Variants in RERE observed in about 807,000 individuals in gnomAD.
RERE encodes arginine-glutamic acid dipeptide repeats protein.
RERE carries 40 observed loss-of-function variants against 146.1 expected under a neutral mutation model. That is an observed-to-expected ratio of 0.27 (90% confidence interval 0.21 to 0.36). The LOEUF (loss-of-function observed/expected upper bound fraction) is 0.36. RERE is among the 10% of genes least tolerant of loss of function. RERE has a pLI of 1.00. For missense variants in RERE, 1,933 were observed against 2,138.7 expected (o/e 0.90, Z 1.90); for synonymous variants, 1,003 against 866.0 (o/e 1.16, Z -2.78).
chr1:8,774,108 C>G lies in RERE; in HGVS notation c.-145+43052G>C, dbSNP rs117752639. On this transcript the variant is annotated intron_variant, in intron 1 of 22. Transcript: ENST00000400908. ...TGTCCTCTCTCCACGAATCCACACA[C>G]GCAGCCAAACTTGCTCTACCTCTAA... Among the ~76,000 whole-genome samples the G allele has an allele frequency of 3.7e-4, 57 of 152,264 alleles. No homozygotes were observed. In the East Asian group the frequency reaches 9.7e-3, roughly 26 times the overall value.
At chr1:8,485,486 T>C (rs1006765317) in intron 10 of RERE, among the ~76,000 whole-genome samples, 1 of 151,454 alleles carries the variant, frequency 6.6e-6, no homozygotes, top group African/African-American at 2.4e-5. Context: ...ATGAAACAAC[T>C]AAAGAATACA....
chr1:8,655,606 C>G (rs1638260175), intron 2 of RERE, among the ~76,000 whole-genome samples: 1 of 152,188 alleles, frequency 6.6e-6, no homozygotes, highest in African/African-American at 2.4e-5. Flanking sequence ...TTGTCTCCAC[C>G]AAGCAGTCAA....
intron 4 of RERE, among the ~76,000 whole-genome samples, chr1:8,594,876 G>A (rs537823360): frequency 6.6e-6 from 1 of 152,230 alleles, no homozygotes; most frequent in Admixed American, 6.5e-5. Context: ...AAGCTGCGGG[G>A]GCCAGGCACA....
intron 1 of RERE, among the ~76,000 whole-genome samples, chr1:8,814,701 A>G (rs1207376044): frequency 6.6e-6 from 1 of 152,154 alleles, no homozygotes; most frequent in Non-Finnish European, 1.5e-5. Context: ...TTTTTTATTA[A>G]TGATACTAAA....
At chr1:8,526,293 CT>C (rs34947776) in intron 7 of RERE, among the ~76,000 whole-genome samples, 110,108 of 141,844 alleles carry the variant, frequency 0.78, 42,734 homozygotes, top group East Asian at 0.92. Context: ...CAAGTTTTGT[CT>C]TTTTTTTTTT....
At chr1:8,359,696 C>T in intron 19 of RERE, 68 bp downstream of exon 19, 3 of 1,534,732 alleles carry the variant, frequency 2.0e-6, no homozygotes, top group Admixed American at 1.7e-5. Context: ...AGCTCGGTGG[C>T]CCAGCGTGGC....
intron 4 of RERE, among the ~76,000 whole-genome samples, chr1:8,562,446 G>C (rs1646089778): frequency 6.6e-6 from 1 of 151,674 alleles, no homozygotes; most frequent in Non-Finnish European, 1.5e-5. Flanking sequence ...ATAGTAAGAG[G>C]AGACCACTGG....
chr1:8,802,428 G>A (rs1641606743), intron 1 of RERE, among the ~76,000 whole-genome samples: 1 of 152,196 alleles, frequency 6.6e-6, no homozygotes, highest in Non-Finnish European at 1.5e-5. Context: ...CATCATAGAA[G>A]CAGCAAAAGT....
intron 1 of RERE, among the ~76,000 whole-genome samples, chr1:8,692,348 T>TC (rs1479605593): frequency 2.7e-5 from 4 of 150,052 alleles, no homozygotes; most frequent in African/African-American, 1.0e-4. Context: ...CATATACTTT[T>TC]TTTTTTTCTT....
chr1:8,501,198 G>A (rs1313460705), intron 8 of RERE, among the ~76,000 whole-genome samples: 2 of 149,950 alleles, frequency 1.3e-5, no homozygotes, highest in African/African-American at 2.5e-5. Context: ...CCCCGTCCGG[G>A]AGGGAGGTGG....
intron 1 of RERE, among the ~76,000 whole-genome samples, chr1:8,658,457 G>A (rs1335746042): frequency 6.6e-6 from 1 of 152,152 alleles, no homozygotes; most frequent in Non-Finnish European, 1.5e-5. Flanking sequence ...TTCAGATGCA[G>A]AGAAAATTCT....
intron 4 of RERE, among the ~76,000 whole-genome samples, chr1:8,606,973 G>A (rs1172217484): frequency 6.6e-6 from 1 of 152,174 alleles, no homozygotes; most frequent in African/African-American, 2.4e-5. Context: ...AACTTTAAGT[G>A]TATTACTTCA....
At chr1:8,443,377 A>C (rs1385477293) in intron 11 of RERE, among the ~76,000 whole-genome samples, 1 of 146,482 alleles carries the variant, frequency 6.8e-6, no homozygotes, top group Non-Finnish European at 1.5e-5. Flanking sequence ...CAGGAGGATC[A>C]CCTGAACCCA....
intron 1 of RERE, among the ~76,000 whole-genome samples, chr1:8,811,911 C>A (rs1428978957): frequency 6.6e-6 from 1 of 152,194 alleles, no homozygotes; most frequent in Non-Finnish European, 1.5e-5. Context: ...TAAGGCGCCA[C>A]AAACTCCTCC....
At chr1:8,712,346 G>C (rs1407379660) in intron 1 of RERE, among the ~76,000 whole-genome samples, 1 of 152,206 alleles carries the variant, frequency 6.6e-6, no homozygotes, top group Non-Finnish European at 1.5e-5. Context: ...TACAAAGGAA[G>C]GCATGGGCTA....
chr1:8,436,996 C>A (rs4908759), intron 11 of RERE, among the ~76,000 whole-genome samples: 1 of 152,144 alleles, frequency 6.6e-6, no homozygotes, highest in African/African-American at 2.4e-5. Flanking sequence ...TCCAAGTTTT[C>A]TATTAGGGAG....
chr1:8,395,784 T>C (rs962952507), intron 12 of RERE, among the ~76,000 whole-genome samples: 3 of 152,118 alleles, frequency 2.0e-5, no homozygotes, highest in Non-Finnish European at 4.4e-5. Context: ...ACCACCACCA[T>C]GCACTGAAGG....
intron 1 of RERE, among the ~76,000 whole-genome samples, chr1:8,686,795 A>T (rs939528552): frequency 5.3e-5 from 8 of 152,226 alleles, no homozygotes; most frequent in Non-Finnish European, 1.2e-4. Context: ...CAAGTACTCT[A>T]GGGGAAAACA....
At chr1:8,728,735 A>G (rs1640021715) in intron 1 of RERE, among the ~76,000 whole-genome samples, 1 of 152,230 alleles carries the variant, frequency 6.6e-6, no homozygotes, top group East Asian at 1.9e-4. Flanking sequence ...TCTGAAAACA[A>G]TCTAAGTAAT....
Sources: allele counts gnomAD v4.1 joint callset (sites outside exome capture counted in the v4.1 genomes callset), GRCh38; gene constraint gnomAD v4.1.1; transcripts MANE v1.5; gene names NCBI Gene and HGNC (gene_info 2026-07-23, HGNC 2026-07-21).